HERC4: variants seen among roughly 807,000 people sequenced by gnomAD.
HERC4 encodes the protein HECT and RLD domain containing E3 ubiquitin protein ligase 4, also known as probable E3 ubiquitin-protein ligase HERC4.
A neutral mutation model predicts 124.3 loss-of-function variants in HERC4; 28 were observed. That is an observed-to-expected ratio of 0.23 (90% CI 0.17 to 0.31). The LOEUF is 0.31. HERC4 is among the 10% of genes least tolerant of loss of function. HERC4 has a pLI of 1.00. For synonymous variants in HERC4, 407 were observed against 421.5 expected (o/e 0.97, Z 0.42); for missense variants, 713 against 1,229.3 (o/e 0.58, Z 6.28).
intron 9 of HERC4, among the ~76,000 whole-genome samples, chr10:68,004,705 G>A (rs192972162): frequency 1.6e-4 from 24 of 152,266 alleles, no homozygotes; most frequent in Non-Finnish European, 3.1e-4. Context: ...TTATAATCAT[G>A]GCAGAAGGCG....
intron 5 of HERC4, among the ~76,000 whole-genome samples, chr10:68,037,625 T>C (rs2039546391): frequency 6.6e-6 from 1 of 152,168 alleles, no homozygotes; most frequent in Non-Finnish European, 1.5e-5. Context: ...GAAGAGTTTT[T>C]AACTGTTTAA....
At chr10:67,924,745 C>A (rs71475220) in intron 24 of HERC4, among the ~76,000 whole-genome samples, 16,851 of 152,128 alleles carry the variant, frequency 0.11, 966 homozygotes, top group South Asian at 0.15. Flanking sequence ...GGAATCAATC[C>A]CCCATGTATG....
chr10:68,057,816 C>T (rs2040628840), intron 3 of HERC4, among the ~76,000 whole-genome samples: 1 of 151,822 alleles, frequency 6.6e-6, no homozygotes, highest in African/African-American at 2.4e-5. Context: ...TCTCATGCCT[C>T]AGCCTCCTGA....
intron 19 of HERC4, among the ~76,000 whole-genome samples, chr10:67,944,076 T>C (rs575172228): frequency 3.3e-4 from 51 of 152,356 alleles, no homozygotes; most frequent in Non-Finnish European, 7.2e-4. Flanking sequence ...ACCTGCTGAC[T>C]GCAGAGCCCT....
At chr10:68,043,793 G>A (rs1200859534) in intron 4 of HERC4, among the ~76,000 whole-genome samples, 1 of 152,144 alleles carries the variant, frequency 6.6e-6, no homozygotes, top group East Asian at 1.9e-4. Flanking sequence ...TCCAACCCAG[G>A]CAACAGTGCG....
At chr10:68,038,007 T>C in intron 5 of HERC4, 86 bp downstream of exon 5, 1 of 736,252 alleles carries the variant, frequency 1.4e-6, no homozygotes, top group Non-Finnish European at 2.3e-6. Flanking sequence ...TGCAGAAAGA[T>C]GAGCAAAGCT....
At chr10:68,020,266 A>G (rs946930198) in intron 8 of HERC4, among the ~76,000 whole-genome samples, 6 of 152,188 alleles carry the variant, frequency 3.9e-5, no homozygotes, top group African/African-American at 1.4e-4. Flanking sequence ...ATCACAAGAC[A>G]TACAAAGTAG....
chr10:67,926,454 G>T (rs2030976349), intron 23 of HERC4, among the ~76,000 whole-genome samples: 1 of 150,918 alleles, frequency 6.6e-6, no homozygotes, highest in Non-Finnish European at 1.5e-5. Context: ...TACTAAAAGA[G>T]AAGCAGGTAG....
intron 8 of HERC4, 77 bp downstream of exon 8, chr10:68,025,469 C>T (rs2038854108): frequency 9.0e-6 from 13 of 1,450,276 alleles, no homozygotes; most frequent in African/African-American, 1.4e-5. Flanking sequence ...TTATTAGGAT[C>T]TCTGAAACAA....
intron 3 of HERC4, among the ~76,000 whole-genome samples, chr10:68,046,039 C>T (rs1473495605): frequency 6.6e-6 from 1 of 151,564 alleles, no homozygotes; most frequent in Non-Finnish European, 1.5e-5. Flanking sequence ...GTTTATTACA[C>T]TAATATCTCA....
chr10:67,998,042 G>C (rs1288152643), intron 9 of HERC4, among the ~76,000 whole-genome samples: 2 of 151,944 alleles, frequency 1.3e-5, no homozygotes, highest in African/African-American at 4.8e-5. Context: ...GGGACTATAG[G>C]TGCGTGCCAC....
intron 15 of HERC4, among the ~76,000 whole-genome samples, chr10:67,985,424 A>C (rs567649158): frequency 1.3e-5 from 2 of 152,356 alleles, no homozygotes; most frequent in Admixed American, 1.3e-4. Flanking sequence ...AATAAAACCT[A>C]TATAAGTTTG....
chr10:67,959,155 A>T (rs1442295804), intron 16 of HERC4: 1 of 1,579,710 alleles, frequency 6.3e-7, no homozygotes, highest in Admixed American at 1.8e-5. Context: ...GCAGTGCAGA[A>T]TATAACAATA....
chr10:68,021,070 C>T (rs928769876), intron 8 of HERC4, among the ~76,000 whole-genome samples: 3 of 152,116 alleles, frequency 2.0e-5, no homozygotes, highest in Admixed American at 1.3e-4. Flanking sequence ...TGGGGAAAGA[C>T]ATGAATCTAA....
chr10:68,034,232 A>C (rs2039346905), intron 5 of HERC4, 46 bp from the exon 6 acceptor site: 1 of 1,386,376 alleles, frequency 7.2e-7, no homozygotes, highest in Admixed American at 1.9e-5. Context: ...TCACATGCAA[A>C]AAATTTAATT....
At chr10:67,974,565 G>A (rs778717434) in intron 15 of HERC4, among the ~76,000 whole-genome samples, 9 of 152,148 alleles carry the variant, frequency 5.9e-5, no homozygotes, top group Non-Finnish European at 1.3e-4. Flanking sequence ...GAGACGAATG[G>A]ATGGACAGAT....
chr10:67,972,782 C>A (rs1379102736), intron 15 of HERC4, among the ~76,000 whole-genome samples: 2 of 152,020 alleles, frequency 1.3e-5, no homozygotes, highest in Non-Finnish European at 2.9e-5. Flanking sequence ...CAAGACTCAA[C>A]AAACAATTGC....
chr10:67,954,555 G>T, intron 19 of HERC4, 40 bp downstream of exon 19: 9 of 1,568,886 alleles, frequency 5.7e-6, no homozygotes, highest in Non-Finnish European at 7.9e-6. Context: ...AAATACATGG[G>T]TATATACACA....
At chr10:67,983,491 T>C (rs2036061008) in intron 15 of HERC4, among the ~76,000 whole-genome samples, 1 of 151,996 alleles carries the variant, frequency 6.6e-6, no homozygotes, top group South Asian at 2.1e-4. Context: ...AGTAGGTGAA[T>C]GAATAAGGCC....
Sources: allele counts gnomAD v4.1 joint callset (sites outside exome capture counted in the v4.1 genomes callset), GRCh38; gene constraint gnomAD v4.1.1; transcripts MANE v1.5; gene names NCBI Gene and HGNC (gene_info 2026-07-23, HGNC 2026-07-21).